Variants in PRDM5 observed in about 807,000 individuals in gnomAD.
PRDM5 encodes the protein PR/SET domain 5.
A neutral mutation model predicts 81.2 loss-of-function variants in PRDM5; 56 were observed. The observed-to-expected ratio is 0.69, with a 90% CI of 0.56 to 0.86. The LOEUF (loss-of-function observed/expected upper bound fraction) is 0.86, where lower values mean the gene tolerates loss of function less well. Among genes scored for constraint, PRDM5 ranks in the 40% least tolerant of loss-of-function variants. The pLI is 0.00. For missense variants in PRDM5, 697 were observed against 770.1 expected (o/e 0.91, Z 1.12); for synonymous variants, 267 against 256.4 (o/e 1.04, Z -0.39).
chr4:120,834,851 C>T (rs1757154724), intron 3 of PRDM5, among the ~76,000 whole-genome samples: 2 of 152,128 alleles, frequency 1.3e-5, no homozygotes, highest in Non-Finnish European at 2.9e-5. Context: ...GACTCAAATT[C>T]AGGTCTTTCT....
At chr4:120,911,941 A>G (rs1766560222) in intron 1 of PRDM5, among the ~76,000 whole-genome samples, 1 of 152,218 alleles carries the variant, frequency 6.6e-6, no homozygotes, top group African/African-American at 2.4e-5. Context: ...TAAGCATTTT[A>G]TCCTGCCTTT....
chr4:120,796,039 T>A (rs116056939), intron 10 of PRDM5, among the ~76,000 whole-genome samples: 1 of 152,148 alleles, frequency 6.6e-6, no homozygotes, highest in Non-Finnish European at 1.5e-5. Context: ...TAAAAATGTA[T>A]ATATTATATT....
intron 2 of PRDM5, 57 bp from the exon 3 acceptor site, chr4:120,853,597 C>G: frequency 6.2e-7 from 1 of 1,608,704 alleles, no homozygotes; most frequent in South Asian, 1.1e-5. Context: ...AGCCTTTAAA[C>G]ACATCAAGGT....
intron 1 of PRDM5, among the ~76,000 whole-genome samples, chr4:120,910,195 T>C (rs1245669076): frequency 6.6e-6 from 1 of 152,220 alleles, no homozygotes; most frequent in Non-Finnish European, 1.5e-5. Flanking sequence ...CTTTCTATCT[T>C]TGATGACATT....
chr4:120,858,616 T>G (rs12503895), intron 2 of PRDM5, among the ~76,000 whole-genome samples: 9,282 of 152,076 alleles, frequency 0.061, 444 homozygotes, highest in Middle Eastern at 0.17. Flanking sequence ...CCATTGTAGC[T>G]TATCTACTTA....
downstream of PRDM5, among the ~76,000 whole-genome samples, chr4:120,684,651 A>T (rs1223894846): frequency 6.6e-6 from 1 of 151,938 alleles, no homozygotes; most frequent in African/African-American, 2.4e-5. Context: ...TTGCAATAGT[A>T]CTCATGTCTG....
chr4:120,705,364 T>C (rs533277781), intron 15 of PRDM5, among the ~76,000 whole-genome samples: 18 of 152,082 alleles, frequency 1.2e-4, no homozygotes, highest in East Asian at 3.9e-4. Context: ...TGAAGACAAA[T>C]AATATAGAAT....
rs568573675 is a variant in PRDM5, at chr4:120,712,132, A to G, written c.1624-1719T>C. Among the ~76,000 whole-genome samples, 11 of 152,140 alleles carry G rather than the reference A, an allele frequency of 7.2e-5. 1 individual carries two copies. The highest frequency in any genetic ancestry group is 2.7e-4 in the African/African-American group (11 of 41,488). ...GAAACCCCGTCTCTACTAAAAATAC[A>G]AAAGTTAGCTGGGCATGGTGGCGGG... On this transcript the variant is annotated intron_variant, in intron 14 of 15. Coordinates refer to ENST00000264808, the MANE Select transcript of PRDM5 (RefSeq NM_018699.4).
chr4:120,859,197 A>C (rs571596373), intron 2 of PRDM5, among the ~76,000 whole-genome samples: 18 of 150,722 alleles, frequency 1.2e-4, no homozygotes, highest in Non-Finnish European at 1.5e-4. Context: ...GGGAACATAC[A>C]TACCATGTCA....
At chr4:120,820,104 C>T (rs1025036522) in intron 4 of PRDM5, among the ~76,000 whole-genome samples, 6 of 152,310 alleles carry the variant, frequency 3.9e-5, no homozygotes, top group South Asian at 4.1e-4. Context: ...AAAATTCATA[C>T]GTTGAAACTG....
chr4:120,733,839 G>A (rs796575666), intron 14 of PRDM5, among the ~76,000 whole-genome samples: 4 of 150,572 alleles, frequency 2.7e-5, no homozygotes, highest in East Asian at 1.9e-4. Flanking sequence ...GAATGAATAC[G>A]TGAACTAAGC....
chr4:120,776,384 T>C (rs907492635), intron 13 of PRDM5, among the ~76,000 whole-genome samples: 2 of 152,178 alleles, frequency 1.3e-5, no homozygotes, highest in African/African-American at 2.4e-5. Context: ...GTTATTGTGC[T>C]AGACATTGAG....
intron 2 of PRDM5, among the ~76,000 whole-genome samples, chr4:120,900,785 A>G (rs1765144354): frequency 6.6e-6 from 1 of 152,202 alleles, no homozygotes; most frequent in Non-Finnish European, 1.5e-5. Flanking sequence ...GATGTCTTTT[A>G]ATTGCTATAT....
intron 14 of PRDM5, among the ~76,000 whole-genome samples, chr4:120,725,204 CAGA>C (rs964887936): frequency 7.3e-5 from 11 of 150,634 alleles, no homozygotes; most frequent in Middle Eastern, 3.2e-3. Context: ...AAGGTAACTG[CAGA>C]AGTTTTTTTT....
chr4:120,775,011 CAT>C (rs905475982), intron 13 of PRDM5, among the ~76,000 whole-genome samples: 32 of 149,684 alleles, frequency 2.1e-4, no homozygotes, highest in Admixed American at 1.1e-3. Flanking sequence ...TACACAAACA[CAT>C]ATATATATAA....
At chr4:120,898,959 A>G (rs1032904338) in intron 2 of PRDM5, among the ~76,000 whole-genome samples, 7 of 152,176 alleles carry the variant, frequency 4.6e-5, no homozygotes, top group Non-Finnish European at 8.8e-5. Context: ...GAAGAATTCC[A>G]AACGAGCACA....
intron 15 of PRDM5, among the ~76,000 whole-genome samples, chr4:120,699,806 T>C (rs1226003907): frequency 3.3e-5 from 5 of 152,106 alleles, no homozygotes; most frequent in Admixed American, 1.3e-4. Flanking sequence ...GCTTAGAGAT[T>C]GGAAGAATCA....
chr4:120,726,218 G>C (rs369770954), intron 14 of PRDM5, among the ~76,000 whole-genome samples: 3 of 152,172 alleles, frequency 2.0e-5, no homozygotes, highest in Non-Finnish European at 2.9e-5. Context: ...TTTACAGAGA[G>C]AGCTACTTAT....
chr4:120,739,506 A>G (rs1389863225), intron 14 of PRDM5, among the ~76,000 whole-genome samples: 1 of 152,188 alleles, frequency 6.6e-6, no homozygotes, highest in African/African-American at 2.4e-5. Context: ...TAGAAAAATC[A>G]CAGCCAATGC....
Sources: gnomAD v4.1 joint callset for allele counts (sites outside exome capture counted in the v4.1 genomes callset) on GRCh38, gnomAD v4.1.1 for gene constraint, MANE v1.5 for transcripts, NCBI Gene and HGNC (gene_info 2026-07-23, HGNC 2026-07-21) for gene names.